KCNQ5: variants seen among roughly 807,000 people sequenced by gnomAD.
The protein encoded by KCNQ5 is potassium voltage-gated channel subfamily KQT member 5.
KCNQ5 carries 30 observed loss-of-function variants against 98.2 expected under a neutral mutation model. That is an observed-to-expected ratio of 0.31 (90% CI 0.23 to 0.41). The LOEUF is 0.41. Among genes scored for constraint, KCNQ5 ranks in the 10% least tolerant of loss-of-function variants. The pLI is 1.00. For synonymous variants in KCNQ5, 458 were observed against 449.4 expected (o/e 1.02, Z -0.24); for missense variants, 835 against 1,182.5 (o/e 0.71, Z 4.31).
At chr6:72,955,841 G>A (rs1310556045) in intron 1 of KCNQ5, among the ~76,000 whole-genome samples, 2 of 152,104 alleles carry the variant, frequency 1.3e-5, no homozygotes, top group African/African-American at 4.8e-5. Context: ...GAATGCTCGA[G>A]CCCGGGAGGA....
At chr6:72,961,214 AG>A (rs1436315829) in intron 1 of KCNQ5, among the ~76,000 whole-genome samples, 2 of 152,240 alleles carry the variant, frequency 1.3e-5, no homozygotes, top group Non-Finnish European at 2.9e-5. Context: ...TGTGGATAAG[AG>A]TGATATAAAA....
chr6:72,904,474 T>A (rs1779624307), intron 1 of KCNQ5, among the ~76,000 whole-genome samples: 1 of 152,214 alleles, frequency 6.6e-6, no homozygotes, highest in African/African-American at 2.4e-5. Flanking sequence ...GTGAGATTTA[T>A]GCTTTAAAGA....
At chr6:72,896,810 T>C (rs1040056127) in intron 1 of KCNQ5, among the ~76,000 whole-genome samples, 3 of 152,168 alleles carry the variant, frequency 2.0e-5, no homozygotes, top group African/African-American at 7.2e-5. Context: ...GTACCTTTGC[T>C]GTGTGGTGGT....
chr6:73,186,650 A>G (rs893452065), intron 11 of KCNQ5, among the ~76,000 whole-genome samples: 1 of 143,860 alleles, frequency 7.0e-6, no homozygotes, highest in African/African-American at 3.0e-5. Flanking sequence ...GAACAACTCA[A>G]GAGCCTAGAG....
intron 3 of KCNQ5, among the ~76,000 whole-genome samples, chr6:73,071,137 G>A (rs112067356): frequency 0.022 from 3,338 of 152,154 alleles, 67 homozygotes; most frequent in African/African-American, 0.058. Context: ...TAATAAATGA[G>A]TGTGCTTAGA....
chr6:72,940,501 C>T (rs1766174320), intron 1 of KCNQ5, among the ~76,000 whole-genome samples: 1 of 152,176 alleles, frequency 6.6e-6, no homozygotes, highest in South Asian at 2.1e-4. Flanking sequence ...GTGATGCGAT[C>T]ACTGGGACAA....
intron 1 of KCNQ5, among the ~76,000 whole-genome samples, chr6:72,624,757 G>C (rs1290803546): frequency 6.6e-6 from 1 of 152,102 alleles, no homozygotes; most frequent in Non-Finnish European, 1.5e-5. Flanking sequence ...AATTAGATAG[G>C]GGTGCTATAT....
intron 1 of KCNQ5, among the ~76,000 whole-genome samples, chr6:72,747,398 A>G (rs1470718821): frequency 6.6e-6 from 1 of 152,130 alleles, no homozygotes; most frequent in Non-Finnish European, 1.5e-5. Context: ...TTTTAAAACA[A>G]TTCTGTTGAA....
chr6:73,183,298 A>G (rs1269081444), intron 11 of KCNQ5, among the ~76,000 whole-genome samples: 2 of 152,240 alleles, frequency 1.3e-5, no homozygotes, highest in East Asian at 1.9e-4. Context: ...GACCTTGAAC[A>G]GGTAACTCAA....
At chr6:73,037,722 G>T (rs76135294) in intron 2 of KCNQ5, among the ~76,000 whole-genome samples, 3 of 152,054 alleles carry the variant, frequency 2.0e-5, no homozygotes, top group Admixed American at 2.0e-4. Context: ...CTATATGTCT[G>T]TATGTTCCAT....
intron 1 of KCNQ5, among the ~76,000 whole-genome samples, chr6:72,787,004 C>CA (rs1045803750): frequency 0.072 from 3,588 of 50,112 alleles, 181 homozygotes; most frequent in Non-Finnish European, 0.1. Context: ...GACTCTGTCT[C>CA]AAAAAAAAAA....
intron 1 of KCNQ5, among the ~76,000 whole-genome samples, chr6:72,765,125 G>A (rs1306397628): frequency 6.6e-6 from 1 of 151,994 alleles, no homozygotes; most frequent in East Asian, 1.9e-4. Context: ...CATTTCATTT[G>A]GGTATACACC....
chr6:72,798,328 C>T (rs1774449496), intron 1 of KCNQ5, among the ~76,000 whole-genome samples: 1 of 151,960 alleles, frequency 6.6e-6, no homozygotes, highest in Non-Finnish European at 1.5e-5. Flanking sequence ...AAAGTTAATC[C>T]CCAACGCAAC....
intron 1 of KCNQ5, among the ~76,000 whole-genome samples, chr6:72,824,080 C>T (rs545820513): frequency 6.6e-6 from 1 of 152,098 alleles, no homozygotes; most frequent in African/African-American, 2.4e-5. Context: ...TCCAGGACTA[C>T]TAGATTCCAG....
chr6:73,100,292 G>T (rs904228354), intron 5 of KCNQ5, among the ~76,000 whole-genome samples: 2 of 152,076 alleles, frequency 1.3e-5, no homozygotes, highest in African/African-American at 4.8e-5. Context: ...AAGAGCAAGA[G>T]TAAACCAAAC....
intron 11 of KCNQ5, among the ~76,000 whole-genome samples, chr6:73,186,478 G>A (rs1289871470): frequency 2.6e-5 from 4 of 152,220 alleles, no homozygotes; most frequent in Non-Finnish European, 5.9e-5. Context: ...CAGCTCTTCA[G>A]AAGGAAATCC....
intron 1 of KCNQ5, among the ~76,000 whole-genome samples, chr6:72,794,731 A>T (rs775526585): frequency 2.0e-5 from 3 of 152,160 alleles, no homozygotes; most frequent in South Asian, 2.1e-4. Context: ...ATTGACCCGA[A>T]TATTGCTGTA....
At chr6:73,168,828 G>T (rs928136602) in intron 10 of KCNQ5, among the ~76,000 whole-genome samples, 2 of 152,106 alleles carry the variant, frequency 1.3e-5, no homozygotes, top group African/African-American at 4.8e-5. Context: ...AGAAAATACA[G>T]GCAAGCAAAA....
chr6:72,695,862 G>GC, intron 1 of KCNQ5, among the ~76,000 whole-genome samples: 1 of 152,090 alleles, frequency 6.6e-6, no homozygotes, highest in East Asian at 1.9e-4. Flanking sequence ...GAAGCTCAAG[G>GC]CCAGCCTGGG....
Sources: allele counts gnomAD v4.1 joint callset (sites outside exome capture counted in the v4.1 genomes callset), GRCh38; gene constraint gnomAD v4.1.1; transcripts MANE v1.5; gene names NCBI Gene and HGNC (gene_info 2026-07-23, HGNC 2026-07-21).